The following RBFOX1 variants were observed in gnomAD, a reference collection of about 807,000 sequenced individuals.
RBFOX1 encodes the protein RNA binding protein fox-1 homolog 1.
In RBFOX1, 8 loss-of-function variants were observed where a neutral mutation model predicts 57.7. That is an observed-to-expected ratio of 0.14 (90% CI 0.08 to 0.25). The LOEUF is 0.25. Ranked by LOEUF, RBFOX1 falls within the 10% of genes least tolerant of loss-of-function variation. The pLI is 1.00. For synonymous variants in RBFOX1, 326 were observed against 222.4 expected (o/e 1.47, Z -4.15); for missense variants, 611 against 548.5 (o/e 1.11, Z -1.14).
At chr16:6,391,125 T>C (rs1213179292) in intron 2 of RBFOX1, among the ~76,000 whole-genome samples, 1 of 152,170 alleles carries the variant, frequency 6.6e-6, no homozygotes, top group Non-Finnish European at 1.5e-5. Flanking sequence ...TCTCCCTTGG[T>C]TGAAAAACCA....
Position 6,407,834 on chromosome 16 carries a change from C to T in RBFOX1, c.-64+90777C>T, listed in dbSNP as rs532787896. On this transcript the variant is annotated intron_variant, in intron 2 of 15. Transcript: ENST00000550418. ...CAATCCTCACGCAGCATACATGGAC[C>T]GTAGGTGTGGACCCCAGCCTTTGTG... Among the ~76,000 whole-genome samples, 4 of 152,146 alleles carry T rather than the reference C, an allele frequency of 2.6e-5. No homozygotes were observed. In the South Asian group the frequency reaches 6.2e-4, roughly 24 times the overall value.
chr16:7,101,796 G>A (rs1226273065), intron 4 of RBFOX1, among the ~76,000 whole-genome samples: 1 of 152,072 alleles, frequency 6.6e-6, no homozygotes, highest in Non-Finnish European at 1.5e-5. Flanking sequence ...TTAGAATGTG[G>A]CAAATGCTCA....
At chr16:6,565,104 C>G (rs908425837) in intron 2 of RBFOX1, among the ~76,000 whole-genome samples, 4 of 141,624 alleles carry the variant, frequency 2.8e-5, no homozygotes, top group African/African-American at 1.1e-4. Context: ...GCACTCCAGC[C>G]TGGGTGGGGA....
At chr16:5,411,241 G>C (rs1050458133) in intron 1 of RBFOX1, among the ~76,000 whole-genome samples, 1 of 152,226 alleles carries the variant, frequency 6.6e-6, no homozygotes, top group Non-Finnish European at 1.5e-5. Context: ...GACTTTGCAT[G>C]TATGATTAAA....
At chr16:6,291,193 A>T (rs1174245969) in intron 1 of RBFOX1, among the ~76,000 whole-genome samples, 1 of 151,988 alleles carries the variant, frequency 6.6e-6, no homozygotes, top group Non-Finnish European at 1.5e-5. Flanking sequence ...GGTCTTCTTG[A>T]CCTGTATTTT....
intron 3 of RBFOX1, among the ~76,000 whole-genome samples, chr16:6,865,450 T>C (rs971891660): frequency 7.9e-5 from 12 of 152,190 alleles, no homozygotes; most frequent in Non-Finnish European, 1.8e-4. Flanking sequence ...TGGGGATATT[T>C]CCTTTCTAGC....
chr16:6,023,005 A>G (rs7195718), intron 1 of RBFOX1, among the ~76,000 whole-genome samples: 88,565 of 151,494 alleles, frequency 0.58, 29,368 homozygotes, highest in Non-Finnish European at 0.73. Flanking sequence ...AAAATCGTCA[A>G]ACTCATAGAA....
At chr16:7,641,853 T>G (rs1394153163) in intron 11 of RBFOX1, among the ~76,000 whole-genome samples, 1 of 152,190 alleles carries the variant, frequency 6.6e-6, no homozygotes, top group Non-Finnish European at 1.5e-5. Context: ...GAGCACTAAA[T>G]GAGATTGTTG....
intron 11 of RBFOX1, among the ~76,000 whole-genome samples, chr16:7,635,496 G>C (rs186097277): frequency 1.3e-5 from 2 of 152,018 alleles, no homozygotes; most frequent in Non-Finnish European, 2.9e-5. Context: ...ACCCTTAAAA[G>C]TGTGTGGACG....
intron 2 of RBFOX1, among the ~76,000 whole-genome samples, chr16:6,579,843 C>T (rs573028928): frequency 6.6e-6 from 1 of 152,086 alleles, no homozygotes; most frequent in East Asian, 1.9e-4. Context: ...ATATCAGCCT[C>T]CTAAAGTGCT....
intron 2 of RBFOX1, among the ~76,000 whole-genome samples, chr16:5,587,046 C>T (rs1221119093): frequency 6.6e-6 from 1 of 152,108 alleles, no homozygotes; most frequent in East Asian, 1.9e-4. Context: ...GGTCTCAGCC[C>T]CAGAGGGAGC....
intron 4 of RBFOX1, among the ~76,000 whole-genome samples, chr16:5,994,486 T>C (rs7194475): frequency 0.15 from 22,717 of 152,056 alleles, 1,922 homozygotes; most frequent in Middle Eastern, 0.3. Flanking sequence ...AAACTGAAAG[T>C]TTCAGATTTT....
intron 14 of RBFOX1, chr16:7,693,209 A>G: frequency 1.2e-6 from 1 of 866,056 alleles, no homozygotes; most frequent in South Asian, 1.5e-5. Flanking sequence ...ACATCCATTC[A>G]CACGCAGCAC....
chr16:7,152,341 C>CA (rs1282132799), intron 4 of RBFOX1, among the ~76,000 whole-genome samples: 1 of 152,152 alleles, frequency 6.6e-6, no homozygotes, highest in Non-Finnish European at 1.5e-5. Context: ...GGATAATGGA[C>CA]AAAAATTAAA....
At chr16:6,656,862 T>G (rs1008361328) in intron 3 of RBFOX1, among the ~76,000 whole-genome samples, 1 of 150,498 alleles carries the variant, frequency 6.6e-6, no homozygotes, top group Non-Finnish European at 1.5e-5. Context: ...AAAGAGTCTT[T>G]TAAACAAGGT....
chr16:5,485,441 A>AG (rs35980732), intron 2 of RBFOX1, among the ~76,000 whole-genome samples: 48,328 of 151,546 alleles, frequency 0.32, 7,904 homozygotes, highest in Middle Eastern at 0.46. Context: ...TGAGATCATC[A>AG]GTACCATTTT....
chr16:7,233,906 C>T (rs1432731052), intron 4 of RBFOX1, among the ~76,000 whole-genome samples: 1 of 152,226 alleles, frequency 6.6e-6, no homozygotes, highest in Admixed American at 6.5e-5. Flanking sequence ...GAGAGCTACT[C>T]TGACTCTTTG....
At chr16:6,706,474 G>C (rs2062765258) in intron 3 of RBFOX1, among the ~76,000 whole-genome samples, 1 of 152,244 alleles carries the variant, frequency 6.6e-6, no homozygotes, top group Non-Finnish European at 1.5e-5. Flanking sequence ...CTGTAGGACA[G>C]CCTGATGGCT....
At chr16:6,693,336 C>T (rs955530761) in intron 3 of RBFOX1, among the ~76,000 whole-genome samples, 1 of 148,506 alleles carries the variant, frequency 6.7e-6, no homozygotes, top group Admixed American at 6.8e-5. Flanking sequence ...CACCATCATC[C>T]GTCTCCACTA....
Sources: gnomAD v4.1 joint callset for allele counts (sites outside exome capture counted in the v4.1 genomes callset) on GRCh38, gnomAD v4.1.1 for gene constraint, MANE v1.5 for transcripts, NCBI Gene and HGNC (gene_info 2026-07-23, HGNC 2026-07-21) for gene names.